The following GPD2 variants were observed in gnomAD, a reference collection of about 807,000 sequenced individuals.
The protein encoded by GPD2 is glycerol-3-phosphate dehydrogenase 2.
A neutral mutation model predicts 82.4 loss-of-function variants in GPD2; 54 were observed. The ratio of observed to expected loss-of-function variants is 0.66; its 90% CI spans 0.53 to 0.82. The LOEUF (loss-of-function observed/expected upper bound fraction) is 0.82, where lower values mean the gene tolerates loss of function less well. GPD2 is among the 40% of genes least tolerant of loss of function. The pLI is 0.00. For missense variants in GPD2, 748 were observed against 896.2 expected (o/e 0.83, Z 2.11); for synonymous variants, 288 against 306.1 (o/e 0.94, Z 0.62).
At chr2:156,576,527 A>G (rs530611008) in intron 13 of GPD2, among the ~76,000 whole-genome samples, 47 of 152,214 alleles carry the variant, frequency 3.1e-4, no homozygotes, top group African/African-American at 1.0e-3. Context: ...ATCCCCCCAA[A>G]ACTGGAAGAA....
chr2:156,558,765 C>CTTTTTTTTT lies in GPD2; in HGVS notation c.1165+1206_1165+1214dup, dbSNP rs34524248. On this transcript the variant is annotated intron_variant, in intron 9 of 16. Transcript: ENST00000438166. ...GGTGCCCACCACCACGCCCAGCTAACTTTTTTTTTTTTTTTTTTTTTTTTT... is the reference window on the plus strand; with the variant it reads ...GGTGCCCACCACCACGCCCAGCTAACTTTTTTTTTTTTTTTTTTTTTTTTTTTTTTTTTT... Among the ~76,000 whole-genome samples, 99 of 40,880 alleles carry CTTTTTTTTT rather than the reference C, an allele frequency of 2.4e-3. 16 individuals carry two copies. The highest frequency in any genetic ancestry group is 2.9e-3 in the Non-Finnish European group (71 of 24,166). 26.8% of individuals were successfully genotyped at this position (40,880 alleles called of 152,430 possible). A position where few individuals can be genotyped will look rare whatever the true frequency, so the allele number is the denominator to read the frequency against.
intron 8 of GPD2, among the ~76,000 whole-genome samples, chr2:156,555,328 A>G (rs1014993308): frequency 3.3e-5 from 5 of 152,130 alleles, no homozygotes; most frequent in African/African-American, 1.2e-4. Flanking sequence ...ACTTTATTGC[A>G]TTGCAAGTTT....
chr2:156,451,121 CG>C (rs1558904314), intron 1 of GPD2, among the ~76,000 whole-genome samples: 3 of 150,112 alleles, frequency 2.0e-5, no homozygotes, highest in South Asian at 2.1e-4. Flanking sequence ...CCTTTCCCCC[CG>C]TTCTATTCCA....
chr2:156,528,866 C>T (rs1406740816), intron 6 of GPD2, among the ~76,000 whole-genome samples: 1 of 152,108 alleles, frequency 6.6e-6, no homozygotes, highest in Non-Finnish European at 1.5e-5. Flanking sequence ...GGTTCCAAGT[C>T]TTTGCTATCG....
chr2:156,452,480 C>T (rs1192604974), intron 1 of GPD2, among the ~76,000 whole-genome samples: 2 of 152,118 alleles, frequency 1.3e-5, no homozygotes, highest in Non-Finnish European at 2.9e-5. Context: ...TGCAGTGAGC[C>T]GAGATGGCAG....
intron 1 of GPD2, among the ~76,000 whole-genome samples, chr2:156,446,316 G>A (rs1044116402): frequency 3.3e-5 from 5 of 151,908 alleles, no homozygotes; most frequent in East Asian, 1.9e-4. Context: ...GGCTGGTCTC[G>A]AACTCCTGAC....
At chr2:156,441,200 T>C (rs1181043122) in intron 1 of GPD2, among the ~76,000 whole-genome samples, 1 of 152,212 alleles carries the variant, frequency 6.6e-6, no homozygotes, top group Non-Finnish European at 1.5e-5. Flanking sequence ...TTGCCCTGTG[T>C]ACTTCTTCAT....
chr2:156,582,645 C>T, intron 16 of GPD2, 148 bp from the exon 17 acceptor site: 2 of 819,768 alleles, frequency 2.4e-6, no homozygotes, highest in Non-Finnish European at 4.1e-6. Flanking sequence ...AAAAATTAGA[C>T]TCTTCTTATC....
intron 6 of GPD2, among the ~76,000 whole-genome samples, chr2:156,517,144 T>A (rs994945226): frequency 2.0e-5 from 3 of 152,176 alleles, no homozygotes; most frequent in Non-Finnish European, 4.4e-5. Flanking sequence ...ATATTTTTTT[T>A]AATTTTTATT....
chr2:156,475,682 T>C (rs1444972951), intron 1 of GPD2, among the ~76,000 whole-genome samples: 2 of 152,256 alleles, frequency 1.3e-5, no homozygotes, highest in Admixed American at 6.5e-5. Context: ...GTTTATTGTC[T>C]TGTTGAGTGA....
At chr2:156,515,037 T>TA (rs1292587093) in intron 6 of GPD2, among the ~76,000 whole-genome samples, 1 of 152,184 alleles carries the variant, frequency 6.6e-6, no homozygotes, top group Non-Finnish European at 1.5e-5. Flanking sequence ...CTCACATACT[T>TA]ACTCATTTTC....
the GPD2 span, among the ~76,000 whole-genome samples, chr2:156,401,301 C>A: frequency 6.6e-6 from 1 of 152,052 alleles, no homozygotes; most frequent in Non-Finnish European, 1.5e-5. Flanking sequence ...TTTGTGTATT[C>A]AAAAACAGAG....
chr2:156,526,276 G>C (rs1685603759), intron 6 of GPD2, among the ~76,000 whole-genome samples: 1 of 151,766 alleles, frequency 6.6e-6, no homozygotes, highest in African/African-American at 2.4e-5. Context: ...CCTTTCTTTG[G>C]ATACCACAAA....
chr2:156,524,145 C>T (rs978291654), intron 6 of GPD2, among the ~76,000 whole-genome samples: 1 of 151,980 alleles, frequency 6.6e-6, no homozygotes, highest in African/African-American at 2.4e-5. Flanking sequence ...TCTTCCCACC[C>T]ACCCCCACCT....
At chr2:156,551,005 C>T (rs1036979260) in intron 8 of GPD2, among the ~76,000 whole-genome samples, 3 of 152,160 alleles carry the variant, frequency 2.0e-5, no homozygotes, top group Non-Finnish European at 4.4e-5. Flanking sequence ...CCTTCAGAGA[C>T]TAAGCATTGG....
At chr2:156,402,437 T>C in the GPD2 span, among the ~76,000 whole-genome samples, 1 of 152,186 alleles carries the variant, frequency 6.6e-6, no homozygotes, top group Non-Finnish European at 1.5e-5. Context: ...CAGACTACAA[T>C]CCTAAATAAC....
chr2:156,579,645 A>G, intron 15 of GPD2, 45 bp from the exon 16 acceptor site: 1 of 993,714 alleles, frequency 1.0e-6, no homozygotes. Context: ...GCATATGCAT[A>G]ATTTTTAATC....
intron 1 of GPD2, among the ~76,000 whole-genome samples, chr2:156,449,353 G>C (rs988468767): frequency 6.6e-6 from 1 of 152,078 alleles, no homozygotes; most frequent in Non-Finnish European, 1.5e-5. Context: ...AAACTGTGTG[G>C]TTTTGCTATA....
chr2:156,496,416 G>T (rs1424018904), intron 3 of GPD2, among the ~76,000 whole-genome samples: 2 of 151,902 alleles, frequency 1.3e-5, no homozygotes, highest in African/African-American at 4.8e-5. Flanking sequence ...CCCAGTGTGT[G>T]TTGTTCCCCT....
Sources: allele counts gnomAD v4.1 joint callset (sites outside exome capture counted in the v4.1 genomes callset), GRCh38; gene constraint gnomAD v4.1.1; transcripts MANE v1.5; gene names NCBI Gene and HGNC (gene_info 2026-07-23, HGNC 2026-07-21).